Variants in KIAA1191 observed in about 807,000 individuals in gnomAD.
KIAA1191 encodes the protein putative monooxygenase p33MONOX.
KIAA1191 carries 22 observed loss-of-function variants against 31.1 expected under a neutral mutation model. The ratio of observed to expected loss-of-function variants is 0.71; its 90% CI spans 0.51 to 1.01. KIAA1191 has a LOEUF of 1.01. KIAA1191 is among the 50% of genes least tolerant of loss of function. The pLI is 0.00. For missense variants in KIAA1191, 319 were observed against 388.0 expected (o/e 0.82, Z 1.49); for synonymous variants, 130 against 143.9 (o/e 0.90, Z 0.69).
At chr5:176,352,102 C>T (rs870670) in intron 5 of KIAA1191, among the ~76,000 whole-genome samples, 3,154 of 149,620 alleles carry the variant, frequency 0.021, 48 homozygotes, top group Middle Eastern at 0.068. Context: ...ATTCTTAAGA[C>T]TAAAGACACT....
chr5:176,350,791 AAGG>A (rs747298687), intron 5 of KIAA1191, 54 bp from the exon 6 acceptor site: 1 of 1,602,576 alleles, frequency 6.2e-7, no homozygotes, highest in Non-Finnish European at 8.5e-7. Context: ...ATCACAAAAT[AAGG>A]AGGACAACAT....
chr5:176,349,313 C>A (rs181898914), intron 6 of KIAA1191, among the ~76,000 whole-genome samples: 238 of 152,312 alleles, frequency 1.6e-3, no homozygotes, highest in Middle Eastern at 0.01. Flanking sequence ...AACTGGCCAC[C>A]AGCCCAAACC....
At chr5:176,360,118 A>G (rs1461818050) in intron 1 of KIAA1191, among the ~76,000 whole-genome samples, 200 bp from the exon 2 acceptor site, 1 of 151,900 alleles carries the variant, frequency 6.6e-6, no homozygotes, top group Non-Finnish European at 1.5e-5. Context: ...CCTTGCAGCA[A>G]GATGGCAAAG....
At chr5:176,353,322 G>A (rs1767204107) in intron 4 of KIAA1191, 1 of 152,232 alleles carries the variant, frequency 6.6e-6, no homozygotes, top group Non-Finnish European at 1.5e-5. Flanking sequence ...TCAAGTAATG[G>A]TCTTTTGAAA....
At chr5:176,353,555 C>G (rs1767230346) in intron 4 of KIAA1191, 1 of 152,186 alleles carries the variant, frequency 6.6e-6, no homozygotes, top group Non-Finnish European at 1.5e-5. Flanking sequence ...ATCCTTACTA[C>G]AAAACAGAAT....
chr5:176,355,883 T>C lies in KIAA1191; in HGVS notation c.29-134A>G. ...GCAAAATAGCTTGTTTTGGAGTAGC[T>C]AATCCCATCCAGGAAAGGCAGTGGT... On this transcript the variant is annotated intron_variant, in intron 3 of 8. Coordinates refer to ENST00000298569, the MANE Select transcript of KIAA1191 (RefSeq NM_020444.5). The surrounding 1 kb of genome is among the most constrained non-coding windows in gnomAD (Gnocchi z 4.2). The C allele has an allele frequency of 2.4e-6, 2 of 846,994 alleles. No individual in the cohort carries two copies. The highest frequency in any genetic ancestry group is 3.8e-6 in the Non-Finnish European group (2 of 523,666). 52.5% of individuals were successfully genotyped at this position (846,994 alleles called of 1,614,324 possible).
chr5:176,354,055 G>A (rs1028716783), intron 4 of KIAA1191, among the ~76,000 whole-genome samples: 3 of 152,180 alleles, frequency 2.0e-5, no homozygotes, highest in African/African-American at 7.2e-5. Context: ...TGGAGGCGGG[G>A]GGAAAAACAC....
chr5:176,351,126 A>G (rs993118590), intron 5 of KIAA1191, among the ~76,000 whole-genome samples: 2 of 152,062 alleles, frequency 1.3e-5, no homozygotes, highest in Admixed American at 1.3e-4. Flanking sequence ...GCGGATCAAG[A>G]GGTCAGGACA....
rs1275908598 is a variant in KIAA1191, at chr5:176,346,278, G to A, written c.*1322C>T. ...ACACAGTGAAGAGAAATAAAAAGGTGGCTTCTGTATTTCCCTCCCTCAGTA... is the reference window on the plus strand; with the variant it reads ...ACACAGTGAAGAGAAATAAAAAGGTAGCTTCTGTATTTCCCTCCCTCAGTA... On this transcript the variant is annotated 3_prime_UTR_variant, in exon 9 of 9. Transcript: ENST00000298569. 6.6e-6 allele frequency: 1 copy of A among 152,182 alleles called. No homozygotes were observed. The highest frequency in any genetic ancestry group is 1.5e-5 in the Non-Finnish European group (1 of 68,042). 9.4% of individuals were successfully genotyped at this position (152,182 alleles called of 1,614,324 possible). A position where few individuals can be genotyped will look rare whatever the true frequency, so the allele number is the denominator to read the frequency against.
chr5:176,352,776 C>A, intron 4 of KIAA1191, 28 bp from the exon 5 acceptor site: 1 of 1,599,492 alleles, frequency 6.3e-7, no homozygotes, highest in Non-Finnish European at 8.5e-7. Flanking sequence ...AGTACAGAAG[C>A]ACTTAGGCAG....
At position 176,347,353 on chromosome 5, in the gene KIAA1191, C is replaced by T. The variant is rs931703832; in HGVS notation, c.*247G>A. ...AGTAGCTGGGACTACAGGCGCCCAC[C>T]ACCACGCCCAGCTAATTTTTGTATT... On this transcript the variant is annotated 3_prime_UTR_variant, in exon 9 of 9. Coordinates refer to ENST00000298569, the MANE Select transcript of KIAA1191 (RefSeq NM_020444.5). 38 of 237,482 alleles carry T rather than the reference C, an allele frequency of 1.6e-4. No individual in the cohort carries two copies. Among genetic ancestry groups the T allele is most frequent in the African/African-American group, 8.1e-4 (36 of 44,478 alleles). 14.7% of individuals were successfully genotyped at this position (237,482 alleles called of 1,614,324 possible). A position where few individuals can be genotyped will look rare whatever the true frequency, so the allele number is the denominator to read the frequency against.
chr5:176,359,397 T>C (rs1767798195), intron 3 of KIAA1191, 84 bp downstream of exon 3: 1 of 1,209,452 alleles, frequency 8.3e-7, no homozygotes, highest in East Asian at 2.3e-5. Flanking sequence ...ACCATTAATA[T>C]ATAGTTCCGA....
chr5:176,348,299 G>A lies in KIAA1191; in HGVS notation c.517C>T (p.Gln173Ter). The change falls in exon 7 of 9, where the codon CAG (glutamine) becomes TAG (stop). Residue 173 changes from glutamine (Q) to a stop codon, truncating the protein, a stop_gained. Coordinates refer to ENST00000298569, the MANE Select transcript of KIAA1191 (RefSeq NM_020444.5). LOFTEE classifies it high-confidence loss of function. The part of the protein sequence containing the change: ...TKEERQPASA[Q>*]STPSTTPHSS... Reference sequence around the variant, plus strand: ...TGCGGAGTGGTGCTTGGGGTGGACTGGGCTGATGCAGGCTGCCTCTCTTCT... The same window carrying A: ...TGCGGAGTGGTGCTTGGGGTGGACTAGGCTGATGCAGGCTGCCTCTCTTCT... 1.2e-6 allele frequency: 2 copies of A among 1,613,768 alleles called. No homozygotes were observed. The highest frequency in any genetic ancestry group is 1.7e-6 in the Non-Finnish European group (2 of 1,179,962).
chr5:176,354,482 G>C (rs1359722217), intron 4 of KIAA1191: 1 of 152,310 alleles, frequency 6.6e-6, no homozygotes, highest in African/African-American at 2.4e-5. Flanking sequence ...AGAGTCAGAG[G>C]GGAGAGAGTC....
In KIAA1191 at chr5:176,355,601, A is replaced by T; in HGVS notation, c.177T>A (p.Ile59=). Residue 59 remains isoleucine (I), a synonymous_variant, in exon 4 of 9, where the codon ATT becomes ATA. Transcript: ENST00000298569. The surrounding 1 kb of genome is among the most constrained non-coding windows in gnomAD (Gnocchi z 4.2). ...CGAGGTGCTGATACTTGCGCTCTGG[A>T]ATCACTGGCTTCCAAGGGACGCTGC... ...DMGSVPWKPV[I]PERKYQHLAK... is the part of the protein sequence containing the mutation. The T allele has an allele frequency of 6.2e-7, 1 of 1,611,770 alleles. No homozygotes were observed. The highest frequency in any genetic ancestry group is 8.5e-7 in the Non-Finnish European group (1 of 1,179,472).
At chr5:176,356,752 T>C (rs1318832064) in intron 3 of KIAA1191, among the ~76,000 whole-genome samples, 2 of 152,154 alleles carry the variant, frequency 1.3e-5, no homozygotes, top group African/African-American at 4.8e-5. Flanking sequence ...ACCTGAAAGG[T>C]AACATTTTCC....
At position 176,347,827 on chromosome 5, in the gene KIAA1191, G is replaced by T; in HGVS notation, c.710-19C>A. The T allele has an allele frequency of 6.2e-7, 1 of 1,603,074 alleles. No individual in the cohort carries two copies. The highest frequency in any genetic ancestry group is 8.5e-7 in the Non-Finnish European group (1 of 1,174,288). On this transcript the variant is annotated intron_variant, in intron 8 of 8. Coordinates refer to ENST00000298569, the MANE Select transcript of KIAA1191 (RefSeq NM_020444.5). ...AAACTTCCTACAAAAGTGAACCAGA[G>T]TGCAAATGATTTCAAAACCAGTAAA...
chr5:176,359,491 TG>T lies in KIAA1191; in HGVS notation c.17del (p.Pro6GlnfsTer12), dbSNP rs773085746. The T allele has an allele frequency of 5.0e-6, 8 of 1,613,852 alleles. No homozygotes were observed. Among genetic ancestry groups the T allele is most frequent in the Non-Finnish European group, 6.8e-6 (8 of 1,179,780 alleles). On this transcript the variant is annotated frameshift_variant, in exon 3 of 9. Transcript: ENST00000298569. LOFTEE classifies it high-confidence loss of function. ...AAGAATTAAGTTTACCAGGCACTTC[TG>T]GTTGTCTTGAAGCCATTGAAAGACT... MASRQPEVPALEASAP... is the reference protein window; with the variant it reads MASRQXEVPALEASAP...
At chr5:176,358,011 ATC>A (rs1356722595) in intron 3 of KIAA1191, among the ~76,000 whole-genome samples, 2 of 152,208 alleles carry the variant, frequency 1.3e-5, no homozygotes, top group African/African-American at 4.8e-5. Flanking sequence ...AGGAACCATC[ATC>A]TTTCTTCATC....
Sources: allele counts gnomAD v4.1 joint callset (sites outside exome capture counted in the v4.1 genomes callset), GRCh38; gene constraint gnomAD v4.1.1; non-coding constraint Gnocchi (gnomAD v3.1); transcripts MANE v1.5; gene names NCBI Gene and HGNC (gene_info 2026-07-23, HGNC 2026-07-21).